The following PLOD2 variants were observed in gnomAD, a reference collection of about 807,000 sequenced individuals.
PLOD2 encodes lysine hydroxylase 2.
A neutral mutation model predicts 101.0 loss-of-function variants in PLOD2; 65 were observed. The observed-to-expected ratio is 0.64, with a 90% CI of 0.53 to 0.79. PLOD2 has a LOEUF of 0.79. Among genes scored for constraint, PLOD2 ranks in the 30% least tolerant of loss-of-function variants. PLOD2 has a pLI of 0.00. For synonymous variants in PLOD2, 314 were observed against 302.9 expected (o/e 1.04, Z -0.38); for missense variants, 909 against 914.6 (o/e 0.99, Z 0.08).
Position 146,160,875 on chromosome 3 carries a change from G to A in PLOD2, c.109+6C>T. 1 of 1,537,862 alleles carries A rather than the reference G, an allele frequency of 6.5e-7. No individual in the cohort carries two copies. Among genetic ancestry groups the A allele is most frequent in the Non-Finnish European group, 8.9e-7 (1 of 1,129,560 alleles). ...GCGGGACAGCGGCGGACCGCGGGGT[G>A]CTCACCTGTGGGGATGCTCGAGGGC... On this transcript the variant is annotated splice_donor_region_variant and intron_variant, in intron 1 of 19. Coordinates refer to ENST00000282903, the MANE Select transcript of PLOD2 (RefSeq NM_182943.3).
chr3:146,119,738 C>T (rs1355095600), intron 3 of PLOD2, among the ~76,000 whole-genome samples: 1 of 152,014 alleles, frequency 6.6e-6, no homozygotes, highest in Non-Finnish European at 1.5e-5. Context: ...TGATGGTTTC[C>T]AGCTTCATCC....
chr3:146,110,924 T>C (rs1321988844), intron 3 of PLOD2, among the ~76,000 whole-genome samples: 1 of 152,234 alleles, frequency 6.6e-6, no homozygotes, highest in East Asian at 1.9e-4. Flanking sequence ...GTATGTTTAA[T>C]ATCTGAATGA....
At chr3:146,096,873 A>ACGGAGGCG (rs1234344071) in intron 7 of PLOD2, among the ~76,000 whole-genome samples, 399 of 22,622 alleles carry the variant, frequency 0.018, 43 homozygotes, top group Non-Finnish European at 0.019. Context: ...CCCGTCCGGG[A>ACGGAGGCG]GGGAGGTGGG....
Position 146,078,887 on chromosome 3 carries a change from G to A in PLOD2, c.1500+229C>T, listed in dbSNP as rs762463802. Reference sequence around the variant, plus strand: ...TTTATTACTGAAATCCAACTCGGTTGCCTATGAATTAGCCCGAGCACAAAA... The same window carrying A: ...TTTATTACTGAAATCCAACTCGGTTACCTATGAATTAGCCCGAGCACAAAA... On this transcript the variant is annotated intron_variant, in intron 13 of 19. Coordinates refer to ENST00000282903, the MANE Select transcript of PLOD2 (RefSeq NM_182943.3). Among the ~76,000 whole-genome samples, 82 of 151,982 alleles carry A rather than the reference G, an allele frequency of 5.4e-4. 1 individual carries two copies. The highest frequency in any genetic ancestry group is 9.1e-4 in the Non-Finnish European group (62 of 67,820).
At chr3:146,109,749 G>A (rs546093968) in intron 4 of PLOD2, among the ~76,000 whole-genome samples, 7 of 152,112 alleles carry the variant, frequency 4.6e-5, no homozygotes, top group African/African-American at 1.4e-4. Context: ...CCTTTAATCC[G>A]TGGTAGCACA....
chr3:146,096,686 G>A (rs966859650), intron 7 of PLOD2, among the ~76,000 whole-genome samples: 4 of 135,438 alleles, frequency 3.0e-5, no homozygotes, highest in African/African-American at 8.5e-5. Context: ...CCCTCCGTCC[G>A]GCAACCACCC....
intron 3 of PLOD2, among the ~76,000 whole-genome samples, chr3:146,116,735 T>C (rs1040355520): frequency 6.6e-6 from 1 of 152,142 alleles, no homozygotes; most frequent in Non-Finnish European, 1.5e-5. Flanking sequence ...ATATAAGCCA[T>C]GCACAAAAAG....
intron 10 of PLOD2, chr3:146,085,479 C>T (rs1405226071): frequency 1.8e-6 from 1 of 544,510 alleles, no homozygotes; most frequent in African/African-American, 1.9e-5. Context: ...ACAGGGAGCT[C>T]ACCTCTAAAA....
At chr3:146,098,454 T>A (rs1235399302) in intron 7 of PLOD2, among the ~76,000 whole-genome samples, 1 of 152,144 alleles carries the variant, frequency 6.6e-6, no homozygotes, top group African/African-American at 2.4e-5. Flanking sequence ...AAATAAAATG[T>A]TAATTAAGAA....
chr3:146,080,180 T>C (rs1233772330), intron 12 of PLOD2, among the ~76,000 whole-genome samples: 1 of 151,970 alleles, frequency 6.6e-6, no homozygotes, highest in Non-Finnish European at 1.5e-5. Flanking sequence ...ATACATTCCA[T>C]GACCCCAGTG....
At chr3:146,155,714 C>CAAAAAAAA (rs766107067) in intron 1 of PLOD2, among the ~76,000 whole-genome samples, 2 of 54,014 alleles carry the variant, frequency 3.7e-5, no homozygotes, top group Non-Finnish European at 3.9e-5. Context: ...GACTCTGTCT[C>CAAAAAAAA]AAAAAAAAAA....
At chr3:146,120,785 C>T (rs1048393138) in intron 3 of PLOD2, among the ~76,000 whole-genome samples, 4 of 151,996 alleles carry the variant, frequency 2.6e-5, no homozygotes, top group South Asian at 4.1e-4. Flanking sequence ...AGTAGAGTGG[C>T]GCAATCTCGG....
At chr3:146,115,543 T>TGATTAAGGAA (rs1238047553) in intron 3 of PLOD2, among the ~76,000 whole-genome samples, 1 of 152,136 alleles carries the variant, frequency 6.6e-6, no homozygotes, top group Non-Finnish European at 1.5e-5. Flanking sequence ...TTAATCCTAT[T>TGATTAAGGAA]GATTCCATCT....
intron 8 of PLOD2, among the ~76,000 whole-genome samples, chr3:146,090,138 G>A (rs1936928887): frequency 6.6e-6 from 1 of 150,766 alleles, no homozygotes; most frequent in African/African-American, 2.4e-5. Flanking sequence ...ATATATATAT[G>A]TGGGTAAAAT....
At chr3:146,104,162 A>C in intron 6 of PLOD2, 117 bp downstream of exon 6, 1 of 737,840 alleles carries the variant, frequency 1.4e-6, no homozygotes. Flanking sequence ...CAATAATTAC[A>C]ATATTTACAC....
At chr3:146,128,678 G>C (rs1360179676) in intron 1 of PLOD2, among the ~76,000 whole-genome samples, 1 of 151,276 alleles carries the variant, frequency 6.6e-6, no homozygotes, top group Non-Finnish European at 1.5e-5. Flanking sequence ...TGTCCTCAAA[G>C]CTCTAGAAGA....
Position 146,128,880 on chromosome 3 carries a change from C to CTTTTTTTTTTTTT in PLOD2, c.110-4664_110-4652dup, listed in dbSNP as rs3975816. Among the ~76,000 whole-genome samples, 16 of 73,180 alleles carry CTTTTTTTTTTTTT rather than the reference C, an allele frequency of 2.2e-4. 1 individual carries two copies. The highest frequency in any genetic ancestry group is 3.3e-4 in the Non-Finnish European group (14 of 41,838). 48.0% of individuals were successfully genotyped at this position (73,180 alleles called of 152,430 possible). A position where few individuals can be genotyped will look rare whatever the true frequency, so the allele number is the denominator to read the frequency against. ...CAGCTTCTGAAGTCCATCTGAAATC[C>CTTTTTTTTTTTTT]TTTTTTTTTTTTTTTTTTTTTTTTT... On this transcript the variant is annotated intron_variant, in intron 1 of 19. Transcript: ENST00000282903.
intron 1 of PLOD2, among the ~76,000 whole-genome samples, chr3:146,132,275 G>A (rs2108111022): frequency 6.6e-6 from 1 of 152,292 alleles, no homozygotes; most frequent in African/African-American, 2.4e-5. Context: ...ACTGGAATGA[G>A]TTGGTCACCA....
chr3:146,102,463 T>C (rs1017018701), intron 7 of PLOD2, among the ~76,000 whole-genome samples: 8 of 152,184 alleles, frequency 5.3e-5, no homozygotes, highest in Non-Finnish European at 8.8e-5. Flanking sequence ...TGAGAAAGGA[T>C]ACCCAGTATG....
Sources: allele counts gnomAD v4.1 joint callset (sites outside exome capture counted in the v4.1 genomes callset), GRCh38; gene constraint gnomAD v4.1.1; transcripts MANE v1.5; gene names NCBI Gene and HGNC (gene_info 2026-07-23, HGNC 2026-07-21).